Variants in LRP1B observed in about 807,000 individuals in gnomAD.
LRP1B encodes low-density lipoprotein receptor-related protein 1B.
Under a neutral mutation model 556.6 loss-of-function variants are expected in LRP1B, and 217 were observed. The ratio of observed to expected loss-of-function variants is 0.39; its 90% CI spans 0.35 to 0.44. The LOEUF is 0.44. Among genes scored for constraint, LRP1B ranks in the 20% least tolerant of loss-of-function variants. The pLI is 1.00. For synonymous variants in LRP1B, 2,047 were observed against 1,865.8 expected (o/e 1.10, Z -2.50); for missense variants, 5,053 against 5,620.8 (o/e 0.90, Z 3.23).
At chr2:141,826,986 A>G (rs2105739262) in intron 1 of LRP1B, among the ~76,000 whole-genome samples, 1 of 152,328 alleles carries the variant, frequency 6.6e-6, no homozygotes, top group South Asian at 2.1e-4. Flanking sequence ...ATTTTTAAGG[A>G]CAGGCAAATT....
chr2:141,315,550 C>T (rs558395032), intron 3 of LRP1B, among the ~76,000 whole-genome samples: 4 of 151,572 alleles, frequency 2.6e-5, no homozygotes, highest in Middle Eastern at 3.5e-3. Flanking sequence ...TGAGCCACCA[C>T]GCCCGGCCGA....
At chr2:141,768,622 T>C (rs1468759882) in intron 2 of LRP1B, among the ~76,000 whole-genome samples, 1 of 152,120 alleles carries the variant, frequency 6.6e-6, no homozygotes, top group East Asian at 1.9e-4. Context: ...GCTCAAACAG[T>C]TGGCTTTGTC....
chr2:141,349,213 A>T (rs527255013), intron 3 of LRP1B, among the ~76,000 whole-genome samples: 1 of 152,176 alleles, frequency 6.6e-6, no homozygotes. Context: ...TAAATAACTA[A>T]TCAATAAATA....
chr2:140,949,811 G>C (rs921989383), intron 20 of LRP1B, among the ~76,000 whole-genome samples: 3 of 151,684 alleles, frequency 2.0e-5, no homozygotes, highest in Non-Finnish European at 4.4e-5. Flanking sequence ...ATGGTGGCAG[G>C]TGCCTGTAGT....
intron 18 of LRP1B, among the ~76,000 whole-genome samples, chr2:140,975,302 A>T (rs1696558644): frequency 6.6e-6 from 1 of 152,188 alleles, no homozygotes; most frequent in African/African-American, 2.4e-5. Flanking sequence ...AGGGAATCCT[A>T]AAGAGGGATG....
intron 7 of LRP1B, among the ~76,000 whole-genome samples, chr2:141,108,355 T>C (rs1449253732): frequency 7.7e-6 from 1 of 130,160 alleles, no homozygotes. Context: ...TTTTTTTTTT[T>C]TTTTTTTTTT....
At chr2:141,270,041 C>A (rs554724925) in intron 3 of LRP1B, among the ~76,000 whole-genome samples, 2 of 152,092 alleles carry the variant, frequency 1.3e-5, no homozygotes, top group African/African-American at 4.8e-5. Flanking sequence ...ATTTGCAAAT[C>A]ATACACAATA....
At chr2:141,121,421 C>T (rs897325971) in intron 7 of LRP1B, among the ~76,000 whole-genome samples, 1 of 151,902 alleles carries the variant, frequency 6.6e-6, no homozygotes, top group Non-Finnish European at 1.5e-5. Flanking sequence ...ATGCTCTAAC[C>T]CCTGAGCTAT....
intron 3 of LRP1B, among the ~76,000 whole-genome samples, chr2:141,335,584 T>G (rs889862033): frequency 2.6e-5 from 4 of 152,170 alleles, no homozygotes; most frequent in Admixed American, 1.3e-4. Context: ...ATAAGCATAA[T>G]TCTTATTCTT....
intron 3 of LRP1B, among the ~76,000 whole-genome samples, chr2:141,384,453 GA>G (rs1420893299): frequency 6.6e-6 from 1 of 152,064 alleles, no homozygotes; most frequent in Non-Finnish European, 1.5e-5. Context: ...TAATAGGTGT[GA>G]AATGTATTGA....
chr2:141,216,772 C>A (rs992499598), intron 6 of LRP1B, among the ~76,000 whole-genome samples: 2 of 152,152 alleles, frequency 1.3e-5, no homozygotes, highest in Admixed American at 1.3e-4. Flanking sequence ...GGATTTCAAG[C>A]TTACAGGGAC....
intron 5 of LRP1B, among the ~76,000 whole-genome samples, chr2:141,243,715 T>C (rs372571624): frequency 6.6e-6 from 1 of 152,198 alleles, no homozygotes; most frequent in East Asian, 1.9e-4. Context: ...TAAATTGCAC[T>C]AGATTACCAT....
At chr2:141,662,146 C>T (rs919228936) in intron 2 of LRP1B, among the ~76,000 whole-genome samples, 1 of 152,132 alleles carries the variant, frequency 6.6e-6, no homozygotes. Flanking sequence ...GAATTCATCA[C>T]CACCAGGCCT....
At chr2:142,080,736 G>A (rs1705681539) in intron 1 of LRP1B, among the ~76,000 whole-genome samples, 5 of 152,066 alleles carry the variant, frequency 3.3e-5, no homozygotes, top group Admixed American at 3.3e-4. Context: ...TTTGGTGGGA[G>A]ATTGACTCCA....
chr2:141,371,313 C>A (rs1018674569), intron 3 of LRP1B, among the ~76,000 whole-genome samples: 1 of 152,152 alleles, frequency 6.6e-6, no homozygotes, highest in East Asian at 1.9e-4. Context: ...CAATGTAATG[C>A]TTCTAGCTTT....
At chr2:141,363,539 T>C (rs1268055575) in intron 3 of LRP1B, among the ~76,000 whole-genome samples, 3 of 152,140 alleles carry the variant, frequency 2.0e-5, no homozygotes, top group Non-Finnish European at 4.4e-5. Flanking sequence ...CCATAGTAAA[T>C]ATTCAATGAA....
intron 7 of LRP1B, among the ~76,000 whole-genome samples, chr2:141,156,283 C>T (rs1010208655): frequency 1.3e-5 from 2 of 152,042 alleles, no homozygotes; most frequent in Admixed American, 1.3e-4. Flanking sequence ...CTTAGTGTGC[C>T]GATCCCTCTC....
Position 141,489,112 on chromosome 2 carries a change from C to CT in LRP1B, c.206-8580dup, listed in dbSNP as rs70994433. Among the ~76,000 whole-genome samples, 420 of 76,056 alleles carry CT rather than the reference C, an allele frequency of 5.5e-3. 42 individuals are homozygous for CT. Among genetic ancestry groups the CT allele is most frequent in the African/African-American group, 0.023 (396 of 17,354 alleles). 49.9% of individuals were successfully genotyped at this position (76,056 alleles called of 152,430 possible). A position where few individuals can be genotyped will look rare whatever the true frequency, so the allele number is the denominator to read the frequency against. On this transcript the variant is annotated intron_variant, in intron 2 of 90. Transcript: ENST00000389484. ...CACCTCAGCCTCCCATGATGCTTGG[C>CT]TTTTTTTTTTTTTTTTTTTTTTTTT... is the stretch of plus-strand genomic sequence containing the variant.
intron 35 of LRP1B, among the ~76,000 whole-genome samples, chr2:140,719,037 T>C (rs1460771669): frequency 6.6e-6 from 1 of 152,106 alleles, no homozygotes; most frequent in East Asian, 1.9e-4. Context: ...AAACACATTA[T>C]ATATTTGTTG....
Sources: gnomAD v4.1 joint callset for allele counts (sites outside exome capture counted in the v4.1 genomes callset) on GRCh38, gnomAD v4.1.1 for gene constraint, MANE v1.5 for transcripts, NCBI Gene and HGNC (gene_info 2026-07-23, HGNC 2026-07-21) for gene names.